The following PDZRN3 variants were observed in gnomAD, a reference collection of about 807,000 sequenced individuals.
The protein encoded by PDZRN3 is PDZ domain containing ring finger 3.
Under a neutral mutation model 85.7 loss-of-function variants are expected in PDZRN3, and 38 were observed. The observed-to-expected ratio is 0.44, with a 90% confidence interval of 0.34 to 0.58. PDZRN3 has a LOEUF of 0.58. Ranked by LOEUF, PDZRN3 falls within the 20% of genes least tolerant of loss-of-function variation. The pLI, the probability that PDZRN3 is intolerant of heterozygous loss-of-function variation, is 0.01. For synonymous variants in PDZRN3, 759 were observed against 638.0 expected (o/e 1.19, Z -2.86); for missense variants, 1,629 against 1,506.4 (o/e 1.08, Z -1.35).
rs926573350 is a variant in PDZRN3 at position 73,609,249 on chromosome 3, T to C, written c.724-565A>G. The stretch of plus-strand genomic sequence containing the variant: ...TCTTACTGAAAAGGGGGAGGGGGCA[T>C]TTTCACAAAGTAATTACTGTCCAAT... On this transcript the variant is annotated intron_variant, in intron 1 of 9. Transcript: ENST00000263666. 2.0e-5 allele frequency among the ~76,000 whole-genome samples: 3 copies of C among 151,914 alleles called. No homozygotes were observed. In the South Asian group the frequency reaches 6.2e-4, roughly 32 times the overall value.
chr3:73,596,858 T>G (rs1230690799), intron 3 of PDZRN3, among the ~76,000 whole-genome samples: 2 of 152,240 alleles, frequency 1.3e-5, no homozygotes, highest in Non-Finnish European at 2.9e-5. Context: ...TTCTGAAGAT[T>G]AGATAACAGT....
chr3:73,423,278 G>A (rs889266402), intron 3 of PDZRN3, among the ~76,000 whole-genome samples: 1 of 152,172 alleles, frequency 6.6e-6, no homozygotes, highest in African/African-American at 2.4e-5. Context: ...TTATTAAAGT[G>A]CATGTCACTT....
chr3:73,460,505 C>T (rs1703081045), intron 3 of PDZRN3, among the ~76,000 whole-genome samples: 1 of 152,188 alleles, frequency 6.6e-6, no homozygotes, highest in South Asian at 2.1e-4. Context: ...CTTGACCATC[C>T]ACTGGAAACG....
At chr3:73,476,613 GTTA>G (rs1703456282) in intron 3 of PDZRN3, among the ~76,000 whole-genome samples, 1 of 152,192 alleles carries the variant, frequency 6.6e-6, no homozygotes, top group Admixed American at 6.5e-5. Context: ...TACTTTCATG[GTTA>G]GGTTATAAAA....
intron 2 of PDZRN3, among the ~76,000 whole-genome samples, chr3:73,603,762 G>A (rs1316647188): frequency 6.6e-6 from 1 of 151,914 alleles, no homozygotes; most frequent in African/African-American, 2.4e-5. Context: ...GGAAGGAAAC[G>A]ACTTCAAGTG....
chr3:73,565,080 C>T (rs4234174), intron 3 of PDZRN3, among the ~76,000 whole-genome samples: 151,395 of 151,646 alleles, frequency 1, 75,580 homozygotes, highest in Middle Eastern at 1. Flanking sequence ...ATATACCACC[C>T]GTTCTCCAGG....
chr3:73,449,946 C>T (rs1304040982), intron 3 of PDZRN3, among the ~76,000 whole-genome samples: 1 of 152,172 alleles, frequency 6.6e-6, no homozygotes, highest in Non-Finnish European at 1.5e-5. Flanking sequence ...GATTCACACT[C>T]CCAACCACCA....
At chr3:73,467,500 A>G (rs1253543737) in intron 3 of PDZRN3, among the ~76,000 whole-genome samples, 1 of 152,218 alleles carries the variant, frequency 6.6e-6, no homozygotes, top group Non-Finnish European at 1.5e-5. Context: ...ACTGTTTTGA[A>G]GTAGTGGAAG....
intron 1 of PDZRN3, among the ~76,000 whole-genome samples, chr3:73,615,115 A>G (rs1451591391): frequency 6.6e-6 from 1 of 152,188 alleles, no homozygotes; most frequent in Non-Finnish European, 1.5e-5. Context: ...GCTTTTCCAG[A>G]GTCATAATAT....
At chr3:73,387,752 C>T (rs567645103) in intron 8 of PDZRN3, among the ~76,000 whole-genome samples, 2 of 152,172 alleles carry the variant, frequency 1.3e-5, no homozygotes, top group Admixed American at 6.5e-5. Flanking sequence ...TAATGAACGT[C>T]GTGGGCCTGC....
At chr3:73,490,866 A>G (rs1230792715) in intron 3 of PDZRN3, among the ~76,000 whole-genome samples, 1 of 152,224 alleles carries the variant, frequency 6.6e-6, no homozygotes, top group Non-Finnish European at 1.5e-5. Flanking sequence ...TGGCTGCCAA[A>G]GAAAACAGTG....
intron 2 of PDZRN3, among the ~76,000 whole-genome samples, chr3:73,605,989 C>G (rs1363203978): frequency 6.6e-6 from 1 of 152,238 alleles, no homozygotes; most frequent in Non-Finnish European, 1.5e-5. Context: ...AACTGTATTC[C>G]AGTGGGGTTG....
chr3:73,579,828 C>CTGTGTG (rs893894162), intron 3 of PDZRN3, among the ~76,000 whole-genome samples: 1 of 151,048 alleles, frequency 6.6e-6, no homozygotes, highest in Non-Finnish European at 1.5e-5. Flanking sequence ...TGGAGTGTCT[C>CTGTGTG]TGTGTGTGTG....
chr3:73,532,293 G>T (rs868823109), intron 3 of PDZRN3, among the ~76,000 whole-genome samples: 1 of 152,050 alleles, frequency 6.6e-6, no homozygotes, highest in Non-Finnish European at 1.5e-5. Flanking sequence ...GAGGTACGAC[G>T]CCCAGCCAAA....
intron 3 of PDZRN3, among the ~76,000 whole-genome samples, chr3:73,483,053 T>C (rs1204529018): frequency 6.6e-6 from 1 of 152,226 alleles, no homozygotes; most frequent in Non-Finnish European, 1.5e-5. Flanking sequence ...CTTTGCTTTA[T>C]AATCCAGGGT....
At chr3:73,436,838 G>C (rs571528373) in intron 3 of PDZRN3, among the ~76,000 whole-genome samples, 7 of 151,998 alleles carry the variant, frequency 4.6e-5, no homozygotes, top group Non-Finnish European at 1.0e-4. Context: ...ATGAGGTCAG[G>C]AGATGGAGAC....
chr3:73,576,256 A>T (rs529284993), intron 3 of PDZRN3, among the ~76,000 whole-genome samples: 14 of 152,308 alleles, frequency 9.2e-5, no homozygotes, highest in South Asian at 6.2e-4. Flanking sequence ...ATTGAGATGG[A>T]TTAAAATAAC....
chr3:73,569,260 C>G (rs370712851), intron 3 of PDZRN3: 12 of 1,275,894 alleles, frequency 9.4e-6, no homozygotes, highest in African/African-American at 1.5e-5. Context: ...AAGAGGAGCC[C>G]GAAGAATGTC....
chr3:73,508,814 T>C (rs1379830892), intron 3 of PDZRN3, among the ~76,000 whole-genome samples: 2 of 152,148 alleles, frequency 1.3e-5, no homozygotes, highest in African/African-American at 4.8e-5. Context: ...AAATATTTTT[T>C]CTCTCCCCTG....
Sources: gnomAD v4.1 joint callset for allele counts (sites outside exome capture counted in the v4.1 genomes callset) on GRCh38, gnomAD v4.1.1 for gene constraint, MANE v1.5 for transcripts, NCBI Gene and HGNC (gene_info 2026-07-23, HGNC 2026-07-21) for gene names.